TTC7B: variants seen among roughly 807,000 people sequenced by gnomAD.
TTC7B encodes the protein tetratricopeptide repeat protein 7B.
Under a neutral mutation model 106.8 loss-of-function variants are expected in TTC7B, and 28 were observed. The observed-to-expected ratio is 0.26, with a 90% CI of 0.19 to 0.36. The LOEUF is 0.36. TTC7B is among the 10% of genes least tolerant of loss of function. The pLI, the probability that TTC7B is intolerant of heterozygous loss-of-function variation, is 1.00. For missense variants in TTC7B, 862 were observed against 1,076.4 expected (o/e 0.80, Z 2.79); for synonymous variants, 405 against 430.6 (o/e 0.94, Z 0.74).
chr14:90,813,557 A>T (rs1204866905), intron 1 of TTC7B, among the ~76,000 whole-genome samples: 1 of 152,206 alleles, frequency 6.6e-6, no homozygotes, highest in Non-Finnish European at 1.5e-5. Flanking sequence ...CCCGTTCTAA[A>T]ATGAGAAAAC....
intron 1 of TTC7B, among the ~76,000 whole-genome samples, chr14:90,796,939 A>T (rs2029911942): frequency 6.6e-6 from 1 of 150,766 alleles, no homozygotes; most frequent in Non-Finnish European, 1.5e-5. Flanking sequence ...CCTGACTCCC[A>T]GGCTCAAGCA....
At chr14:90,641,122 C>A (rs1311189526) in intron 15 of TTC7B, among the ~76,000 whole-genome samples, 1 of 152,124 alleles carries the variant, frequency 6.6e-6, no homozygotes, top group Non-Finnish European at 1.5e-5. Flanking sequence ...TTGTCTCAGC[C>A]CTGCTTGGAG....
At chr14:90,717,877 C>T (rs1369395094) in intron 5 of TTC7B, among the ~76,000 whole-genome samples, 1 of 152,204 alleles carries the variant, frequency 6.6e-6, no homozygotes, top group African/African-American at 2.4e-5. Flanking sequence ...ATCCACCCTG[C>T]TTCCCCAACA....
At chr14:90,691,321 G>A (rs1044024064) in intron 6 of TTC7B, among the ~76,000 whole-genome samples, 3 of 151,814 alleles carry the variant, frequency 2.0e-5, no homozygotes, top group African/African-American at 4.8e-5. Context: ...TTTCTCTCAG[G>A]GTATTAACCT....
intron 3 of TTC7B, among the ~76,000 whole-genome samples, chr14:90,768,881 A>T (rs2401914): frequency 0.28 from 42,100 of 152,168 alleles, 9,653 homozygotes; most frequent in African/African-American, 0.64. Context: ...ATATATTTTT[A>T]AAATTATTAC....
At chr14:90,634,449 A>G (rs1405821072) in intron 15 of TTC7B, among the ~76,000 whole-genome samples, 2 of 152,110 alleles carry the variant, frequency 1.3e-5, no homozygotes, top group African/African-American at 4.8e-5. Flanking sequence ...AAGTAAAAAA[A>G]AAAAGACCTA....
At chr14:90,704,753 A>G (rs1478673942) in intron 5 of TTC7B, among the ~76,000 whole-genome samples, 1 of 152,198 alleles carries the variant, frequency 6.6e-6, no homozygotes, top group African/African-American at 2.4e-5. Context: ...CAGAAGAAAG[A>G]TGGTGTCGGG....
At chr14:90,574,666 G>A (rs1249173685) in intron 19 of TTC7B, among the ~76,000 whole-genome samples, 2 of 152,192 alleles carry the variant, frequency 1.3e-5, no homozygotes, top group East Asian at 3.8e-4. Context: ...TAGCCCTCCT[G>A]CAAGCTGCTG....
intron 17 of TTC7B, among the ~76,000 whole-genome samples, chr14:90,607,828 C>T (rs546960985): frequency 1.3e-5 from 2 of 152,226 alleles, no homozygotes; most frequent in South Asian, 2.1e-4. Flanking sequence ...AAAGCATACA[C>T]AGTGTGTGGT....
intron 8 of TTC7B, among the ~76,000 whole-genome samples, chr14:90,677,483 C>T (rs1886886130): frequency 6.6e-6 from 1 of 152,222 alleles, no homozygotes; most frequent in African/African-American, 2.4e-5. Context: ...AAATATATCA[C>T]ATGTCTGAGA....
At position 90,802,024 on chromosome 14, in the gene TTC7B, G is replaced by T. The variant is rs548598776; in HGVS notation, c.121+14151C>A. Among the ~76,000 whole-genome samples, 44 of 150,842 alleles carry T rather than the reference G, an allele frequency of 2.9e-4. No individual in the cohort carries two copies. In the South Asian group the frequency reaches 7.1e-3, roughly 24 times the overall value. On this transcript the variant is annotated intron_variant, in intron 1 of 19. Coordinates refer to ENST00000328459, the MANE Select transcript of TTC7B (RefSeq NM_001010854.2). The surrounding 1 kb of genome is among the most constrained non-coding windows in gnomAD (Gnocchi z 4.7). ...TGCAGTGAGCCAAGATCGTGCCATT[G>T]TACTCCAGCCTGGACAACAAGAGCG...
intron 3 of TTC7B, among the ~76,000 whole-genome samples, chr14:90,763,648 G>C (rs1256800425): frequency 6.6e-6 from 1 of 152,058 alleles, no homozygotes; most frequent in Non-Finnish European, 1.5e-5. Flanking sequence ...GCTAATAAAT[G>C]AGCTCAGCAG....
At chr14:90,629,030 G>A (rs1345375721) in intron 15 of TTC7B, among the ~76,000 whole-genome samples, 4 of 152,242 alleles carry the variant, frequency 2.6e-5, no homozygotes, top group East Asian at 1.9e-4. Flanking sequence ...TGCCATCTCC[G>A]GCCTTGGCCC....
At position 90,527,624 on chromosome 14, in the gene TTC7B, A is replaced by G. The variant is rs1381455144; in HGVS notation, c.*13744T>C. ...GCCCAGGTGGGAGTGCAATGGCGCC[A>G]TCTCGGCTCACTGCAAGCTCTGCTT... is the stretch of plus-strand genomic sequence containing the variant. On this transcript the variant is annotated 3_prime_UTR_variant, in exon 20 of 20. Transcript: ENST00000328459. 1.4e-5 allele frequency: 2 copies of G among 146,390 alleles called. No homozygotes were observed. The highest frequency in any genetic ancestry group is 1.4e-4 in the Admixed American group (2 of 14,260). The allele number at this position is 146,390 out of a possible 1,614,324, so 9.1% of individuals were successfully genotyped here. A position where few individuals can be genotyped will look rare whatever the true frequency, so the allele number is the denominator to read the frequency against.
chr14:90,617,830 G>T, intron 16 of TTC7B, 99 bp downstream of exon 16: 1 of 885,810 alleles, frequency 1.1e-6, no homozygotes, highest in Non-Finnish European at 1.9e-6. Flanking sequence ...GTGCACAGGG[G>T]TGACAGAGTT....
In TTC7B at chr14:90,585,311, G is replaced by A. The variant is rs1891666927; in HGVS notation, c.2108-7003C>T. ...AGCTCCTCCTCCCCTAGCTGCAGCA[G>A]TGACAGGCGCTAGCCCTTCCTGGCC... On this transcript the variant is annotated intron_variant, in intron 18 of 19. Transcript: ENST00000328459. 3.3e-5 allele frequency among the ~76,000 whole-genome samples: 5 copies of A among 152,350 alleles called. No individual in the cohort carries two copies. In the South Asian group the frequency reaches 1.0e-3, roughly 32 times the overall value.
intron 17 of TTC7B, among the ~76,000 whole-genome samples, chr14:90,601,687 A>G (rs1486676770): frequency 6.6e-6 from 1 of 152,232 alleles, no homozygotes; most frequent in Non-Finnish European, 1.5e-5. Context: ...AGTGATGAGC[A>G]GCATGCAGAG....
chr14:90,660,395 CAAAAAAAA>C (rs57030874), intron 9 of TTC7B, among the ~76,000 whole-genome samples: 31 of 40,894 alleles, frequency 7.6e-4, no homozygotes, highest in East Asian at 2.1e-3. Context: ...CACCCTGTCT[CAAAAAAAA>C]AAAAAAAAAA....
chr14:90,616,330 T>C (rs1276737016), intron 16 of TTC7B, among the ~76,000 whole-genome samples: 2 of 152,256 alleles, frequency 1.3e-5, no homozygotes. Flanking sequence ...TTTCTATTTT[T>C]GCTTCCAGAC....
Sources: gnomAD v4.1 joint callset for allele counts (sites outside exome capture counted in the v4.1 genomes callset) on GRCh38, gnomAD v4.1.1 for gene constraint, Gnocchi (gnomAD v3.1) non-coding constraint, MANE v1.5 for transcripts, NCBI Gene and HGNC (gene_info 2026-07-23, HGNC 2026-07-21) for gene names.